The following SBF2 variants were observed in gnomAD, a reference collection of about 807,000 sequenced individuals.
SBF2 encodes myotubularin-related protein 13.
In SBF2, 112 loss-of-function variants were observed where a neutral mutation model predicts 225.2. That is an observed-to-expected ratio of 0.50 (90% CI 0.43 to 0.58). The LOEUF is 0.58. Among genes scored for constraint, SBF2 ranks in the 20% least tolerant of loss-of-function variants. The pLI is 0.00. For synonymous variants in SBF2, 763 were observed against 773.3 expected (o/e 0.99, Z 0.22); for missense variants, 1,996 against 2,206.2 (o/e 0.90, Z 1.91).
intron 2 of SBF2, among the ~76,000 whole-genome samples, chr11:10,090,822 G>A (rs2134913837): frequency 7.5e-6 from 1 of 133,678 alleles, no homozygotes; most frequent in Middle Eastern, 4.2e-3. Context: ...AATCAAAACA[G>A]TAATTCCCCT....
At chr11:10,279,000 G>C (rs185216629) in intron 1 of SBF2, among the ~76,000 whole-genome samples, 1 of 150,612 alleles carries the variant, frequency 6.6e-6, no homozygotes, top group African/African-American at 2.4e-5. Flanking sequence ...TTGGGTGGCC[G>C]AGGTGAAAGA....
At chr11:10,293,640 G>C (rs936125573) in intron 1 of SBF2, among the ~76,000 whole-genome samples, 6 of 152,184 alleles carry the variant, frequency 3.9e-5, no homozygotes, top group African/African-American at 1.4e-4. Context: ...TATCCCCGAG[G>C]AACTTAGCAC....
At chr11:10,260,910 GGAGA>G (rs1961366604) in intron 1 of SBF2, among the ~76,000 whole-genome samples, 1 of 146,992 alleles carries the variant, frequency 6.8e-6, no homozygotes. Context: ...AGGGAGGGAG[GGAGA>G]GAGGGAGAAA....
chr11:9,836,365 C>T (rs1855736718), intron 26 of SBF2, among the ~76,000 whole-genome samples: 1 of 152,096 alleles, frequency 6.6e-6, no homozygotes, highest in African/African-American at 2.4e-5. Context: ...ATTGAAAAAA[C>T]ATCTTCTATC....
At chr11:9,925,529 GC>G (rs1485030149) in intron 16 of SBF2, among the ~76,000 whole-genome samples, 1 of 152,158 alleles carries the variant, frequency 6.6e-6, no homozygotes, top group Non-Finnish European at 1.5e-5. Context: ...GCCCACCTGG[GC>G]CTCCCAAAGC....
intron 16 of SBF2, among the ~76,000 whole-genome samples, chr11:9,928,183 T>C (rs1054563456): frequency 1.3e-5 from 2 of 152,086 alleles, no homozygotes; most frequent in Non-Finnish European, 2.9e-5. Context: ...TAAGACAATA[T>C]CTGAAAATAA....
intron 13 of SBF2, among the ~76,000 whole-genome samples, chr11:9,976,655 A>G (rs1197076275): frequency 6.6e-6 from 1 of 152,242 alleles, no homozygotes; most frequent in Non-Finnish European, 1.5e-5. Flanking sequence ...CAAATTACAT[A>G]TCTAGCAAAT....
chr11:10,256,171 G>A (rs1960849295), intron 1 of SBF2, among the ~76,000 whole-genome samples: 4 of 152,104 alleles, frequency 2.6e-5, no homozygotes, highest in Admixed American at 2.6e-4. Context: ...CTGCAGCACT[G>A]GCCAGGATAA....
chr11:10,014,713 TCTTTC>T (rs1224183935), intron 6 of SBF2, among the ~76,000 whole-genome samples: 1 of 152,174 alleles, frequency 6.6e-6, no homozygotes, highest in Non-Finnish European at 1.5e-5. Flanking sequence ...GGTAATATTT[TCTTTC>T]CTTTCTTCTT....
At chr11:10,205,327 T>G (rs1455703232) in intron 1 of SBF2, among the ~76,000 whole-genome samples, 1 of 152,016 alleles carries the variant, frequency 6.6e-6, no homozygotes, top group Non-Finnish European at 1.5e-5. Context: ...TTAATGAATC[T>G]CTGATCAGAC....
chr11:10,013,738 CT>C (rs1349596187), intron 6 of SBF2, among the ~76,000 whole-genome samples: 2 of 152,184 alleles, frequency 1.3e-5, no homozygotes, highest in Non-Finnish European at 2.9e-5. Flanking sequence ...AAATGCCTGG[CT>C]AGATTTAGCA....
At chr11:9,832,131 A>C (rs1320817798) in intron 27 of SBF2, 93 bp downstream of exon 27, 1 of 1,108,438 alleles carries the variant, frequency 9.0e-7, no homozygotes, top group Admixed American at 1.9e-5. Context: ...ACAAGACTTG[A>C]TGAAAAGGCA....
At chr11:10,137,571 T>C (rs926841514) in intron 2 of SBF2, among the ~76,000 whole-genome samples, 1 of 152,234 alleles carries the variant, frequency 6.6e-6, no homozygotes, top group African/African-American at 2.4e-5. Context: ...AGTTCCCCTC[T>C]ATTCCTAGCT....
At chr11:9,950,463 G>A (rs1865795012) in intron 16 of SBF2, among the ~76,000 whole-genome samples, 1 of 152,136 alleles carries the variant, frequency 6.6e-6, no homozygotes, top group Non-Finnish European at 1.5e-5. Context: ...ATAGGACACT[G>A]ATATTTCAAC....
intron 33 of SBF2, 112 bp downstream of exon 33, chr11:9,795,719 G>A (rs1853081444): frequency 9.6e-6 from 13 of 1,347,358 alleles, no homozygotes; most frequent in Non-Finnish European, 1.4e-5. Context: ...ATAGTTCAGA[G>A]TTAAACCTTA....
intron 16 of SBF2, among the ~76,000 whole-genome samples, chr11:9,921,000 C>T (rs1301582432): frequency 6.6e-6 from 1 of 151,720 alleles, no homozygotes; most frequent in African/African-American, 2.4e-5. Flanking sequence ...CAGCCTACTG[C>T]CTATAGTAAT....
intron 1 of SBF2, among the ~76,000 whole-genome samples, chr11:10,264,131 T>G (rs1175095950): frequency 6.6e-6 from 1 of 152,194 alleles, no homozygotes; most frequent in Non-Finnish European, 1.5e-5. Context: ...ACTGCCAAAC[T>G]GCCCTCTTTA....
At chr11:9,829,670 G>A in intron 27 of SBF2, 174 bp from the exon 28 acceptor site, 1 of 608,692 alleles carries the variant, frequency 1.6e-6, no homozygotes, top group South Asian at 1.9e-5. Flanking sequence ...TCTATTAAAT[G>A]GCTAATCCTC....
intron 2 of SBF2, chr11:10,044,613 C>A (rs992392093): frequency 5.6e-6 from 1 of 177,884 alleles, no homozygotes; most frequent in African/African-American, 2.4e-5. Flanking sequence ...ATTCACCATG[C>A]CAGAGGTGGT....
Sources: gnomAD v4.1 joint callset for allele counts (sites outside exome capture counted in the v4.1 genomes callset) on GRCh38, gnomAD v4.1.1 for gene constraint, MANE v1.5 for transcripts, NCBI Gene and HGNC (gene_info 2026-07-23, HGNC 2026-07-21) for gene names.